CNKSR3: variants seen among roughly 807,000 people sequenced by gnomAD.
CNKSR3 encodes the protein connector enhancer of kinase suppressor of ras 3.
A neutral mutation model predicts 67.7 loss-of-function variants in CNKSR3; 36 were observed. The ratio of observed to expected loss-of-function variants is 0.53; its 90% CI spans 0.41 to 0.70. The LOEUF (loss-of-function observed/expected upper bound fraction) is 0.70. CNKSR3 is among the 30% of genes least tolerant of loss of function. CNKSR3 has a pLI of 0.00. For synonymous variants in CNKSR3, 281 were observed against 271.4 expected (o/e 1.04, Z -0.35); for missense variants, 630 against 695.2 (o/e 0.91, Z 1.05).
At chr6:154,446,512 T>G (rs1785709642) in intron 2 of CNKSR3, among the ~76,000 whole-genome samples, 1 of 152,216 alleles carries the variant, frequency 6.6e-6, no homozygotes, top group African/African-American at 2.4e-5. Context: ...CCTGCATTTC[T>G]TCTCATAAAA....
At chr6:154,412,355 C>T (rs1209025383) in intron 10 of CNKSR3, among the ~76,000 whole-genome samples, 1 of 152,162 alleles carries the variant, frequency 6.6e-6, no homozygotes, top group Non-Finnish European at 1.5e-5. Context: ...CTCTCAAAAG[C>T]GTCTTCCCGA....
intron 1 of CNKSR3, among the ~76,000 whole-genome samples, chr6:154,492,946 A>G (rs115575721): frequency 0.013 from 1,943 of 151,780 alleles, 48 homozygotes; most frequent in African/African-American, 0.044. Context: ...CCACCTCTCA[A>G]TCTCTTTCAT....
At chr6:154,415,097 CAAAAAAAAAA>C (rs1157415390) in intron 9 of CNKSR3, among the ~76,000 whole-genome samples, 1 of 33,242 alleles carries the variant, frequency 3.0e-5, no homozygotes, top group Non-Finnish European at 7.8e-5. Flanking sequence ...GACTCTGTCT[CAAAAAAAAAA>C]AAAAAAAAAA....
intron 4 of CNKSR3, 27 bp downstream of exon 4, chr6:154,441,265 A>AAAG: frequency 7.7e-7 from 1 of 1,306,914 alleles, no homozygotes; most frequent in Non-Finnish European, 1.1e-6. Flanking sequence ...AAAAAAAAAA[A>AAAG]GAAAGTGAAA....
In CNKSR3 at chr6:154,411,048, C is replaced by T; in HGVS notation, c.1165G>A (p.Asp389Asn). Residue 389 changes from aspartate to asparagine, a missense_variant, in exon 11 of 13, where the codon GAC becomes AAC. Asp to Asn is a conservative substitution (Grantham distance 23, BLOSUM62 1). Coordinates refer to ENST00000607772, the MANE Select transcript of CNKSR3 (RefSeq NM_173515.4). ...KGSESPNSFL[D>N]QESRRRRFTI... ...AATCTTCGTCTCCGGCTTTCCTGGT[C>T]CAAGAAGGAATTCGGGGACTCTGAA... 6.2e-6 allele frequency: 10 copies of T among 1,614,074 alleles called. No individual in the cohort carries two copies. Among genetic ancestry groups the T allele is most frequent in the Non-Finnish European group, 8.5e-6 (10 of 1,180,010 alleles).
At position 154,396,894 on chromosome 6, in the gene CNKSR3, G is replaced by A. The variant is rs1399975931; in HGVS notation, c.*9460C>T. On this transcript the variant is annotated 3_prime_UTR_variant, in exon 13 of 13. Coordinates refer to ENST00000607772, the MANE Select transcript of CNKSR3 (RefSeq NM_173515.4). Reference sequence around the variant, plus strand: ...GGCTCACTGCAAGTTGCGCCTCCCGGGTTCACGCCATTCTCCTGCCTCAAC... The same window carrying A: ...GGCTCACTGCAAGTTGCGCCTCCCGAGTTCACGCCATTCTCCTGCCTCAAC... The A allele has an allele frequency of 5.3e-5, 8 of 151,918 alleles. No individual in the cohort carries two copies. Among genetic ancestry groups the A allele is most frequent in the Non-Finnish European group, 1.2e-4 (8 of 67,992 alleles). The allele number at this position is 151,918 out of a possible 1,614,324, so 9.4% of individuals were successfully genotyped here. A position where few individuals can be genotyped will look rare whatever the true frequency, so the allele number is the denominator to read the frequency against.
intron 9 of CNKSR3, among the ~76,000 whole-genome samples, chr6:154,420,126 T>C (rs946184198): frequency 2.0e-5 from 3 of 151,674 alleles, no homozygotes; most frequent in African/African-American, 7.3e-5. Context: ...AATCCTATCA[T>C]GTGTGACAAG....
rs1238999981 is a variant in CNKSR3 at position 154,395,069 on chromosome 6, T to A, written c.*11285A>T. 1.3e-5 allele frequency: 2 copies of A among 152,094 alleles called. No homozygotes were observed. The highest frequency in any genetic ancestry group is 1.3e-4 in the Admixed American group (2 of 15,254). The allele number at this position is 152,094 out of a possible 1,614,324, so 9.4% of individuals were successfully genotyped here. A position where few individuals can be genotyped will look rare whatever the true frequency, so the allele number is the denominator to read the frequency against. On this transcript the variant is annotated 3_prime_UTR_variant, in exon 13 of 13. Transcript: ENST00000607772. ...ATGCAGGGAGTACAGGTGGAAAAGG[T>A]CAAGTGGAACGGAGGTGCCCAGGGC...
chr6:154,423,959 G>A (rs1348689570), intron 7 of CNKSR3, among the ~76,000 whole-genome samples: 4 of 152,064 alleles, frequency 2.6e-5, no homozygotes, highest in South Asian at 2.1e-4. Flanking sequence ...TAGGCCGGGC[G>A]CGGTGCCTCA....
intron 1 of CNKSR3, among the ~76,000 whole-genome samples, chr6:154,451,523 G>A (rs1417750735): frequency 5.9e-5 from 6 of 102,520 alleles, no homozygotes; most frequent in Non-Finnish European, 9.8e-5. Flanking sequence ...GCGCACACTC[G>A]TGCACACACG....
chr6:154,476,226 G>A (rs1160100806), intron 1 of CNKSR3, among the ~76,000 whole-genome samples: 1 of 152,078 alleles, frequency 6.6e-6, no homozygotes, highest in Non-Finnish European at 1.5e-5. Context: ...GGAGGCCAAG[G>A]TGGATGGATC....
At chr6:154,486,464 T>TC (rs1336947122) in intron 1 of CNKSR3, among the ~76,000 whole-genome samples, 78 of 146,322 alleles carry the variant, frequency 5.3e-4, no homozygotes, top group African/African-American at 2.0e-3. Context: ...GCCCAGCTAA[T>TC]TTTTATTTTA....
chr6:154,394,500 T>C lies in CNKSR3; in HGVS notation c.*11854A>G, dbSNP rs1307079866. 2.0e-5 allele frequency: 3 copies of C among 151,750 alleles called. No homozygotes were observed. Among genetic ancestry groups the C allele is most frequent in the Non-Finnish European group, 1.5e-5 (1 of 68,014 alleles). 9.4% of individuals were successfully genotyped at this position (151,750 alleles called of 1,614,324 possible). The stretch of plus-strand genomic sequence containing the variant: ...TAGCTAGAGGACAGCCACAGAGCAT[T>C]ACCCAACCTGGAACATCCAAAGTGG... On this transcript the variant is annotated 3_prime_UTR_variant, in exon 13 of 13. Coordinates refer to ENST00000607772, the MANE Select transcript of CNKSR3 (RefSeq NM_173515.4).
At chr6:154,488,927 G>A (rs1223823039) in intron 1 of CNKSR3, among the ~76,000 whole-genome samples, 3 of 152,190 alleles carry the variant, frequency 2.0e-5, no homozygotes, top group Non-Finnish European at 2.9e-5. Context: ...TCCCAGAACT[G>A]AGTGTACGTT....
At chr6:154,414,502 C>A in intron 9 of CNKSR3, 79 bp from the exon 10 acceptor site, 2 of 1,446,492 alleles carry the variant, frequency 1.4e-6, no homozygotes, top group Non-Finnish European at 9.5e-7. Flanking sequence ...TCCCCTCCCC[C>A]AAACCAACAC....
intron 1 of CNKSR3, among the ~76,000 whole-genome samples, chr6:154,482,487 G>C (rs141140707): frequency 4.4e-4 from 67 of 152,292 alleles, no homozygotes; most frequent in African/African-American, 1.4e-3. Context: ...AATTAAGTTT[G>C]ATTGCATAAG....
At chr6:154,432,606 A>G (rs1443266774) in intron 5 of CNKSR3, among the ~76,000 whole-genome samples, 2 of 152,146 alleles carry the variant, frequency 1.3e-5, no homozygotes, top group African/African-American at 4.8e-5. Context: ...CAGTCACCCA[A>G]ATTTTCCCCT....
intron 1 of CNKSR3, among the ~76,000 whole-genome samples, chr6:154,472,899 C>T (rs1038375816): frequency 6.6e-6 from 1 of 151,970 alleles, no homozygotes; most frequent in Non-Finnish European, 1.5e-5. Flanking sequence ...ACAACCCAGG[C>T]TATCCCATAC....
chr6:154,490,713 C>T (rs978375094), intron 1 of CNKSR3, among the ~76,000 whole-genome samples: 2 of 149,616 alleles, frequency 1.3e-5, no homozygotes, highest in Admixed American at 6.8e-5. Flanking sequence ...AGAGCCACCA[C>T]ATCGGCTTCT....
Sources: allele counts gnomAD v4.1 joint callset (sites outside exome capture counted in the v4.1 genomes callset), GRCh38; gene constraint gnomAD v4.1.1; transcripts MANE v1.5; gene names NCBI Gene and HGNC (gene_info 2026-07-23, HGNC 2026-07-21).